Variants in NEXN observed in about 807,000 individuals in gnomAD.
NEXN encodes the protein nexilin F-actin binding protein, also known as nexilin.
NEXN carries 65 observed loss-of-function variants against 92.6 expected under a neutral mutation model. That is an observed-to-expected ratio of 0.70 (90% CI 0.57 to 0.86). The LOEUF (loss-of-function observed/expected upper bound fraction) is 0.86, where lower values mean the gene tolerates loss of function less well. Ranked by LOEUF, NEXN falls within the 40% of genes least tolerant of loss-of-function variation. NEXN has a pLI of 0.00. For synonymous variants in NEXN, 254 were observed against 242.5 expected (o/e 1.05, Z -0.44); for missense variants, 778 against 771.1 (o/e 1.01, Z -0.11).
In NEXN at chr1:77,935,907, A is replaced by T; in HGVS notation, c.1336A>T (p.Lys446Ter). ...KLKRSGSIQA[K>*]NLKSKFEKIG... ...AAAAAGGAGTGGCTCTATTCAAGCT[A>T]AAAACCTAAAAAGCAAGTTTGAAAA... Residue 446 changes from lysine (K) to a stop codon, truncating the protein, a stop_gained, in exon 11 of 13, where the codon AAA (lysine) becomes TAA (stop). Transcript: ENST00000334785. LOFTEE classifies it high-confidence loss of function. 1 of 1,614,018 alleles carries T rather than the reference A, an allele frequency of 6.2e-7. No homozygotes were observed. The highest frequency in any genetic ancestry group is 8.5e-7 in the Non-Finnish European group (1 of 1,179,960).
intron 1 of NEXN, among the ~76,000 whole-genome samples, chr1:77,910,929 C>T (rs1245223435): frequency 6.6e-6 from 1 of 151,854 alleles, no homozygotes; most frequent in Non-Finnish European, 1.5e-5. Flanking sequence ...CTTTGAGTTC[C>T]TGGGCTCAAG....
chr1:77,908,079 G>A (rs1648260801), intron 1 of NEXN, among the ~76,000 whole-genome samples: 1 of 151,824 alleles, frequency 6.6e-6, no homozygotes, highest in African/African-American at 2.4e-5. Flanking sequence ...TGAGACCCCT[G>A]TCTCTATTTT....
intron 8 of NEXN, among the ~76,000 whole-genome samples, chr1:77,927,464 A>G (rs1388474966): frequency 1.3e-5 from 2 of 152,196 alleles, no homozygotes; most frequent in Admixed American, 6.5e-5. Context: ...ACTGATTATA[A>G]GTGTAAACTT....
intron 1 of NEXN, among the ~76,000 whole-genome samples, chr1:77,906,191 TGA>T (rs557197253): frequency 2.0e-5 from 3 of 152,206 alleles, no homozygotes; most frequent in African/African-American, 4.8e-5. Flanking sequence ...AAGGAGTGAC[TGA>T]GAGTATCAAG....
chr1:77,925,231 T>C lies in NEXN; in HGVS notation c.489+2T>C. On this transcript the variant is annotated splice_donor_variant, in intron 6 of 12. Transcript: ENST00000334785. LOFTEE classifies it high-confidence loss of function. ...ACGGGAACTGAATCAGCATCAGAGG[T>C]AAACAGACATTTCCTTTAATGAAAC... The C allele has an allele frequency of 6.3e-7, 1 of 1,591,000 alleles. No homozygotes were observed. The highest frequency in any genetic ancestry group is 1.7e-5 in the Admixed American group (1 of 59,902).
At chr1:77,920,938 C>T (rs9661421) in intron 5 of NEXN, among the ~76,000 whole-genome samples, 2,987 of 152,168 alleles carry the variant, frequency 0.02, 38 homozygotes, top group Middle Eastern at 0.051. Flanking sequence ...CAACACTATA[C>T]CTGAACTTCT....
Position 77,902,589 on chromosome 1 carries a change from C to T in NEXN, c.-52-13466C>T, listed in dbSNP as rs190243826. ...TAGGTGTTGCACAAAATAAATGAAA[C>T]AGACTTTGTATTGCCTAATACAGTG... On this transcript the variant is annotated intron_variant, in intron 1 of 12. Transcript: ENST00000334785. Among the ~76,000 whole-genome samples the T allele has an allele frequency of 5.3e-5, 8 of 152,178 alleles. No individual in the cohort carries two copies. In the South Asian group the frequency reaches 6.2e-4, roughly 12 times the overall value.
intron 1 of NEXN, among the ~76,000 whole-genome samples, chr1:77,898,869 A>G (rs1363276566): frequency 6.6e-6 from 1 of 152,238 alleles, no homozygotes; most frequent in African/African-American, 2.4e-5. Context: ...ACACTTCTCA[A>G]AAGAAGACAT....
rs372065024 is a variant in NEXN, at chr1:77,926,436, T to C, written c.512T>C (p.Ile171Thr). Residue 171 changes from isoleucine (I) to threonine (T), a missense_variant, in exon 7 of 13, where the codon ATA (isoleucine) becomes ACA (threonine). By Grantham distance (89) the Ile-to-Thr change is moderately conservative. Transcript: ENST00000334785. ...TAGGAAGGAGATGATTCACTACTTA[T>C]AACTGTGGTACCTGTCAAATCATAT... is the stretch of plus-strand genomic sequence containing the variant. ...ASEEGDDSLLITVVPVKSYKT... is the reference protein window; with the variant it reads ...ASEEGDDSLLTTVVPVKSYKT... 1.6e-4 allele frequency: 261 copies of C among 1,603,368 alleles called. No homozygotes were observed. In the East Asian group the frequency reaches 4.5e-3, roughly 28 times the overall value.
chr1:77,933,352 A>C lies in NEXN; in HGVS notation c.1124A>C (p.Glu375Ala). 6.2e-7 allele frequency: 1 copy of C among 1,611,300 alleles called. No homozygotes were observed. Among genetic ancestry groups the C allele is most frequent in the Non-Finnish European group, 8.5e-7 (1 of 1,178,166 alleles). Residue 375 changes from glutamate to alanine, a missense_variant, in exon 10 of 13, where the codon GAA becomes GCA. By Grantham distance (107) the Glu-to-Ala change is moderately radical (BLOSUM62 -1). Transcript: ENST00000334785. ...GAATTTCTTACACCGGGAAAACTGG[A>C]AATTAATTTTGAAGAATTATTAAAA... ...SQEFLTPGKL[E>A]INFEELLKQK...
intron 5 of NEXN, among the ~76,000 whole-genome samples, chr1:77,919,574 G>A (rs1023523369): frequency 6.6e-6 from 1 of 150,416 alleles, no homozygotes; most frequent in Non-Finnish European, 1.5e-5. Flanking sequence ...AAATCCAGCA[G>A]GTCAGTCATT....
intron 2 of NEXN, 138 bp downstream of exon 2, chr1:77,916,271 A>G: frequency 1.9e-6 from 1 of 532,008 alleles, no homozygotes; most frequent in South Asian, 2.6e-5. Flanking sequence ...GATGTAAAAC[A>G]AGAAGAGATA....
At position 77,943,258 on chromosome 1, in the gene NEXN, T is replaced by G; in HGVS notation, c.*429T>G. ...AAAACAAAAAAAAAACACACAAACC[T>G]AAGTAGAATACATTATTTTGCATGA... On this transcript the variant is annotated 3_prime_UTR_variant, in exon 13 of 13. Coordinates refer to ENST00000334785, the MANE Select transcript of NEXN (RefSeq NM_144573.4). 1 of 208,196 alleles carries G rather than the reference T, an allele frequency of 4.8e-6. No individual in the cohort carries two copies. The highest frequency in any genetic ancestry group is 7.1e-5 in the South Asian group (1 of 14,072). The allele number at this position is 208,196 out of a possible 1,614,324, so 12.9% of individuals were successfully genotyped here. A position where few individuals can be genotyped will look rare whatever the true frequency, so the allele number is the denominator to read the frequency against.
rs751482966 is a variant in NEXN, at chr1:77,936,053, C to T, written c.1473+9C>T. The T allele has an allele frequency of 1.3e-6, 2 of 1,556,910 alleles. No individual in the cohort carries two copies. Among genetic ancestry groups the T allele is most frequent in the African/African-American group, 2.7e-5 (2 of 73,648 alleles). ...CTGAAAATTTTCATGAGGTATATTA[C>T]CTTTATATTTAACATAGTTATGGTA... On this transcript the variant is annotated intron_variant, in intron 11 of 12. Transcript: ENST00000334785.
chr1:77,893,774 A>C (rs1647159329), intron 1 of NEXN, among the ~76,000 whole-genome samples: 1 of 151,988 alleles, frequency 6.6e-6, no homozygotes, highest in African/African-American at 2.4e-5. Context: ...TGTTATTTAT[A>C]CTTATTGCGG....
chr1:77,904,650 G>A (rs974208362), intron 1 of NEXN, among the ~76,000 whole-genome samples: 19 of 152,174 alleles, frequency 1.2e-4, no homozygotes, highest in Non-Finnish European at 1.5e-5. Flanking sequence ...TCTACCATGC[G>A]TACAGAGGAA....
In NEXN at chr1:77,918,105, T is replaced by G. The variant is rs1437010230; in HGVS notation, c.299-20T>G. 6.2e-7 allele frequency: 1 copy of G among 1,613,138 alleles called. No individual in the cohort carries two copies. Among genetic ancestry groups the G allele is most frequent in the Non-Finnish European group, 8.5e-7 (1 of 1,179,616 alleles). Reference sequence around the variant, plus strand: ...TAGAAACATAACCAAGTATCAAACTTTTTTTTCATATATTTTTAGGAACTG... The same window carrying G: ...TAGAAACATAACCAAGTATCAAACTGTTTTTTCATATATTTTTAGGAACTG... On this transcript the variant is annotated intron_variant, in intron 4 of 12. Coordinates refer to ENST00000334785, the MANE Select transcript of NEXN (RefSeq NM_144573.4).
chr1:77,922,472 A>G (rs1649503080), intron 5 of NEXN, among the ~76,000 whole-genome samples: 1 of 152,106 alleles, frequency 6.6e-6, no homozygotes, highest in African/African-American at 2.4e-5. Context: ...TAGATCCATT[A>G]AAGATTTTTA....
In NEXN at chr1:77,933,475, G is replaced by A. The variant is rs1650474561; in HGVS notation, c.1247G>A (p.Gly416Glu). ...QEFEQLRQEM[G>E]EEEEENETFG... ...TTTGAACAACTGAGACAGGAAATGG[G>A]AGAGGTAAGATTTTAAGAAATATCT... is the stretch of plus-strand genomic sequence containing the variant. The change falls in exon 10 of 13, where the codon GGA becomes GAA. Residue 416 changes from glycine to glutamate, a missense_variant. Physicochemically the swap from Gly to Glu is moderately conservative, Grantham distance 98. Transcript: ENST00000334785. The A allele has an allele frequency of 6.2e-7, 1 of 1,601,088 alleles. No homozygotes were observed. The highest frequency in any genetic ancestry group is 8.6e-7 in the Non-Finnish European group (1 of 1,168,692).
Sources: allele counts gnomAD v4.1 joint callset (sites outside exome capture counted in the v4.1 genomes callset), GRCh38; gene constraint gnomAD v4.1.1; transcripts MANE v1.5; gene names NCBI Gene and HGNC (gene_info 2026-07-23, HGNC 2026-07-21).